The following SIPA1L1 variants were observed in gnomAD, a reference collection of about 807,000 sequenced individuals.
SIPA1L1 encodes signal induced proliferation associated 1 like 1, also known as signal-induced proliferation-associated 1-like protein 1.
Under a neutral mutation model 162.7 loss-of-function variants are expected in SIPA1L1, and 26 were observed. The ratio of observed to expected loss-of-function variants is 0.16; its 90% CI spans 0.12 to 0.22. The LOEUF (loss-of-function observed/expected upper bound fraction) is 0.22, where lower values mean the gene tolerates loss of function less well. Among genes scored for constraint, SIPA1L1 ranks in the 10% least tolerant of loss-of-function variants. SIPA1L1 has a pLI of 1.00. For missense variants in SIPA1L1, 1,874 were observed against 2,241.0 expected, an observed-to-expected ratio of 0.84 and a Z score of 3.31; for synonymous variants, 829 against 837.4, an observed-to-expected ratio of 0.99 and a Z score of 0.17.
intron 4 of SIPA1L1, among the ~76,000 whole-genome samples, chr14:71,568,528 G>A (rs1294033804): frequency 1.3e-5 from 2 of 152,008 alleles, no homozygotes; most frequent in African/African-American, 2.4e-5. Context: ...TTCCTCCTTG[G>A]TTCGCTAGGA....
chr14:71,729,986 C>T (rs1359708172), intron 19 of SIPA1L1, 69 bp from the exon 20 acceptor site: 17 of 1,553,644 alleles, frequency 1.1e-5, no homozygotes, highest in Non-Finnish European at 1.4e-5. Context: ...ATCCCACCCT[C>T]CCCCAACCTT....
chr14:71,555,000 A>T (rs998778608), intron 4 of SIPA1L1, among the ~76,000 whole-genome samples: 2 of 152,220 alleles, frequency 1.3e-5, no homozygotes, highest in African/African-American at 4.8e-5. Flanking sequence ...CATTTTATAA[A>T]AATTAATACC....
intron 13 of SIPA1L1, among the ~76,000 whole-genome samples, chr14:71,698,403 T>C (rs2081821342): frequency 6.6e-6 from 1 of 152,260 alleles, no homozygotes; most frequent in Non-Finnish European, 1.5e-5. Context: ...TCAGTAATTC[T>C]AGTTAAATTC....
chr14:71,674,866 A>G (rs1015333447), intron 12 of SIPA1L1, among the ~76,000 whole-genome samples: 1 of 151,876 alleles, frequency 6.6e-6, no homozygotes, highest in Non-Finnish European at 1.5e-5. Context: ...GCCCGGCCGC[A>G]TTCCTGTTTT....
chr14:71,434,092 C>T (rs2044199806), intron 2 of SIPA1L1, among the ~76,000 whole-genome samples: 1 of 152,136 alleles, frequency 6.6e-6, no homozygotes, highest in Non-Finnish European at 1.5e-5. Context: ...CAAAATTTCT[C>T]ACTAATTAAA....
At chr14:71,346,918 T>C (rs1164100364) in intron 2 of SIPA1L1, among the ~76,000 whole-genome samples, 1 of 152,098 alleles carries the variant, frequency 6.6e-6, no homozygotes, top group Non-Finnish European at 1.5e-5. Flanking sequence ...TTGATTTGTC[T>C]GTTCTGGATG....
chr14:71,457,258 A>G (rs917968854), intron 2 of SIPA1L1, among the ~76,000 whole-genome samples: 12 of 151,404 alleles, frequency 7.9e-5, no homozygotes, highest in African/African-American at 2.9e-4. Context: ...CTGTTGACCT[A>G]TTCTCTCCAA....
intron 4 of SIPA1L1, among the ~76,000 whole-genome samples, chr14:71,549,897 A>T (rs1186390764): frequency 6.6e-6 from 1 of 152,068 alleles, no homozygotes; most frequent in African/African-American, 2.4e-5. Flanking sequence ...ACTGCTTGGG[A>T]TTAGGAAAAA....
chr14:71,591,279 T>A (rs971078079), intron 5 of SIPA1L1, among the ~76,000 whole-genome samples: 4 of 147,352 alleles, frequency 2.7e-5, no homozygotes, highest in African/African-American at 1.0e-4. Flanking sequence ...GGTACTATTG[T>A]TAACCTTATT....
Position 71,445,448 on chromosome 14 carries a change from T to G in SIPA1L1, c.-464-67295T>G, listed in dbSNP as rs186305478. 3.7e-3 allele frequency among the ~76,000 whole-genome samples: 569 copies of G among 152,282 alleles called. 6 individuals are homozygous for G. Among genetic ancestry groups the G allele is most frequent in the Non-Finnish European group, 6.6e-3 (450 of 68,014 alleles). On this transcript the variant is annotated intron_variant, in intron 2 of 23. Transcript: ENST00000381232. ...AAAATAAAGTCTAAGTTTTTTTTTT[T>G]AATTCTTGTATCTAGAAACAAAGTC...
chr14:71,722,223 C>G (rs1488388714), intron 17 of SIPA1L1, among the ~76,000 whole-genome samples: 1 of 152,210 alleles, frequency 6.6e-6, no homozygotes, highest in East Asian at 1.9e-4. Flanking sequence ...ATTGTGATCA[C>G]TCACCTGATT....
At chr14:71,578,231 A>T (rs2033408906) in intron 4 of SIPA1L1, among the ~76,000 whole-genome samples, 1 of 151,886 alleles carries the variant, frequency 6.6e-6, no homozygotes, top group South Asian at 2.1e-4. Flanking sequence ...ATTTTTTAGT[A>T]GAGACAAGGT....
chr14:71,364,748 AT>A (rs35338562), intron 2 of SIPA1L1, among the ~76,000 whole-genome samples: 52,166 of 145,860 alleles, frequency 0.36, 9,208 homozygotes, highest in Middle Eastern at 0.5. Context: ...CAGAACATCA[AT>A]TTTTTTTTTT....
At chr14:71,514,323 T>C (rs1595856301) in intron 3 of SIPA1L1, among the ~76,000 whole-genome samples, 1 of 152,140 alleles carries the variant, frequency 6.6e-6, no homozygotes, top group Non-Finnish European at 1.5e-5. Flanking sequence ...GAGGGGAGCA[T>C]GTGCAGTGTG....
At chr14:71,474,252 G>A (rs2047681977) in intron 2 of SIPA1L1, among the ~76,000 whole-genome samples, 1 of 152,234 alleles carries the variant, frequency 6.6e-6, no homozygotes, top group Non-Finnish European at 1.5e-5. Flanking sequence ...GATCAACTAT[G>A]AAGTTAGCTG....
rs1244466432 is a variant in SIPA1L1 at position 71,542,737 on chromosome 14, T to TTC, written c.-303+13379_-303+13380dup. Among the ~76,000 whole-genome samples, 8 of 139,946 alleles carry TTC rather than the reference T, an allele frequency of 5.7e-5. 1 individual carries two copies. In the South Asian group the frequency reaches 2.0e-3, roughly 35 times the overall value. The allele number at this position is 139,946 out of a possible 152,430, so 91.8% of individuals were successfully genotyped here. Reference sequence around the variant, plus strand: ...CTCCTCCTCCTCCTCCTCCTCCTTCTTCTCTCTCTCTCTTTTTTTTTTTTT... The same window carrying TTC: ...CTCCTCCTCCTCCTCCTCCTCCTTCTTCTCTCTCTCTCTCTTTTTTTTTTTTT... On this transcript the variant is annotated intron_variant, in intron 4 of 23. Coordinates refer to ENST00000381232, the MANE Select transcript of SIPA1L1 (RefSeq NM_001386936.1).
chr14:71,704,588 A>G, intron 15 of SIPA1L1: 5 of 662,264 alleles, frequency 7.5e-6, no homozygotes, highest in Non-Finnish European at 1.4e-5. Context: ...GCTATTAGCT[A>G]TAGTGGTGTT....
intron 2 of SIPA1L1, among the ~76,000 whole-genome samples, chr14:71,327,330 C>T (rs897758873): frequency 2.3e-4 from 35 of 152,142 alleles, no homozygotes; most frequent in Non-Finnish European, 4.7e-4. Context: ...GTGATCCGCC[C>T]GCCTCGGCCT....
intron 4 of SIPA1L1, among the ~76,000 whole-genome samples, chr14:71,531,198 G>C (rs2053414331): frequency 1.3e-5 from 2 of 152,000 alleles, no homozygotes; most frequent in African/African-American, 4.8e-5. Context: ...GTTGGTTGCT[G>C]TTTCATTTAA....
Sources: gnomAD v4.1 joint callset for allele counts (sites outside exome capture counted in the v4.1 genomes callset) on GRCh38, gnomAD v4.1.1 for gene constraint, MANE v1.5 for transcripts, NCBI Gene and HGNC (gene_info 2026-07-23, HGNC 2026-07-21) for gene names.